FBXL5: variants seen among roughly 807,000 people sequenced by gnomAD.
FBXL5 encodes F-box and leucine rich repeat protein 5.
FBXL5 carries 26 observed loss-of-function variants against 78.3 expected under a neutral mutation model. The observed-to-expected ratio is 0.33, with a 90% confidence interval of 0.24 to 0.46. The LOEUF (loss-of-function observed/expected upper bound fraction) is 0.46. FBXL5 is among the 20% of genes least tolerant of loss of function. The probability of loss-of-function intolerance (pLI) is 1.00; values close to 1 mark genes in which losing one functional copy is unlikely to be tolerated. For synonymous variants in FBXL5, 295 were observed against 282.5 expected (o/e 1.04, Z -0.45); for missense variants, 710 against 829.2 (o/e 0.86, Z 1.77).
At chr4:15,672,762 TTTC>T (rs1304005274) in intron 1 of FBXL5, among the ~76,000 whole-genome samples, 2 of 152,206 alleles carry the variant, frequency 1.3e-5, no homozygotes, top group African/African-American at 4.8e-5. Flanking sequence ...TTAAAATGTT[TTTC>T]TTCAACAGTA....
intron 6 of FBXL5, 148 bp downstream of exon 6, chr4:15,630,518 T>A: frequency 1.7e-6 from 1 of 593,046 alleles, no homozygotes; most frequent in South Asian, 4.5e-5. Flanking sequence ...TCATTATTAT[T>A]CCTTCAAATT....
chr4:15,640,956 A>G, intron 2 of FBXL5, 73 bp from the exon 3 acceptor site: 1 of 768,248 alleles, frequency 1.3e-6, no homozygotes, highest in Non-Finnish European at 2.0e-6. Flanking sequence ...CAGGAAGTTT[A>G]AAATGTGACA....
rs1484259496 is a variant in FBXL5, at chr4:15,625,761, C to T, written c.1341G>A (p.Leu447=). ...CAATGCCCTTGTTAGTTAAATCGTG[C>T]AAACAGGCATACTGCTTGGTGGACT... ...TMQSTKQYAC[L]HDLTNKGIGE... Residue 447 remains leucine (L), a synonymous_variant, in exon 9 of 11, where the codon TTG becomes TTA. Transcript: ENST00000341285. 2 of 1,613,998 alleles carry T rather than the reference C, an allele frequency of 1.2e-6. No individual in the cohort carries two copies. The highest frequency in any genetic ancestry group is 2.7e-5 in the African/African-American group (2 of 74,918).
chr4:15,657,171 C>CT (rs1261145520), upstream of FBXL5, among the ~76,000 whole-genome samples: 1 of 152,186 alleles, frequency 6.6e-6, no homozygotes, highest in African/African-American at 2.4e-5. Context: ...TATTTACCCT[C>CT]TATTTCTTTA....
intron 5 of FBXL5, among the ~76,000 whole-genome samples, chr4:15,634,511 T>C (rs900685654): frequency 2.6e-5 from 4 of 151,818 alleles, no homozygotes; most frequent in African/African-American, 4.8e-5. Context: ...GGATTACAGG[T>C]GCCTGCCACC....
intron 10 of FBXL5, among the ~76,000 whole-genome samples, chr4:15,608,504 T>C (rs949839121): frequency 6.6e-6 from 1 of 151,606 alleles, no homozygotes; most frequent in East Asian, 1.9e-4. Context: ...ACAAACCTAC[T>C]GTCAGCATCT....
At chr4:15,661,831 C>T (rs1341218685), upstream of FBXL5, among the ~76,000 whole-genome samples, 2 of 152,214 alleles carry the variant, frequency 1.3e-5, no homozygotes, top group Non-Finnish European at 2.9e-5. Context: ...GCAGCTAAAG[C>T]TGCGATCATC....
At chr4:15,627,131 C>CT (rs33920814) in intron 7 of FBXL5, among the ~76,000 whole-genome samples, 176 bp from the exon 8 acceptor site, 9,819 of 87,824 alleles carry the variant, frequency 0.11, 630 homozygotes, top group Non-Finnish European at 0.16. Flanking sequence ...CTGAGAATCT[C>CT]TTTTTTTTTT....
At chr4:15,652,355 C>T (rs1716180836) in intron 1 of FBXL5, among the ~76,000 whole-genome samples, 1 of 152,178 alleles carries the variant, frequency 6.6e-6, no homozygotes, top group African/African-American at 2.4e-5. Flanking sequence ...GAATCTACCA[C>T]TAGCTGCTTA....
At chr4:15,630,572 A>G (rs1314609605) in intron 6 of FBXL5, 94 bp downstream of exon 6, 2 of 1,194,022 alleles carry the variant, frequency 1.7e-6, no homozygotes, top group Admixed American at 3.2e-5. Flanking sequence ...TTTAGAAAAC[A>G]CAAAATACAT....
chr4:15,608,310 C>G (rs1722018126), intron 10 of FBXL5, among the ~76,000 whole-genome samples: 1 of 152,024 alleles, frequency 6.6e-6, no homozygotes, highest in Admixed American at 6.6e-5. Context: ...CCTAGAGATT[C>G]AGATCTAACC....
intron 5 of FBXL5, among the ~76,000 whole-genome samples, chr4:15,632,099 G>A (rs968289792): frequency 3.9e-5 from 6 of 152,128 alleles, no homozygotes; most frequent in Non-Finnish European, 7.4e-5. Flanking sequence ...TGTATAAGGT[G>A]TAAGGAAGGG....
chr4:15,610,357 T>A (rs1274915903), intron 10 of FBXL5, among the ~76,000 whole-genome samples: 2 of 152,120 alleles, frequency 1.3e-5, no homozygotes, highest in Non-Finnish European at 2.9e-5. Context: ...TTTTAAAGGC[T>A]TTCCATTCCC....
intron 2 of FBXL5, among the ~76,000 whole-genome samples, chr4:15,642,196 A>G (rs1463728100): frequency 4.6e-5 from 7 of 151,790 alleles, no homozygotes; most frequent in Non-Finnish European, 8.8e-5. Context: ...CCCCACTTCT[A>G]TATCAGCCCT....
At chr4:15,630,051 T>C (rs1713458256) in intron 6 of FBXL5, among the ~76,000 whole-genome samples, 1 of 152,192 alleles carries the variant, frequency 6.6e-6, no homozygotes, top group Admixed American at 6.5e-5. Context: ...TTTTCCATCA[T>C]ATACTTTAAA....
At chr4:15,640,254 C>T (rs771901380) in intron 3 of FBXL5, among the ~76,000 whole-genome samples, 12 of 151,702 alleles carry the variant, frequency 7.9e-5, no homozygotes, top group Non-Finnish European at 1.8e-4. Context: ...TTTTCCCAGG[C>T]TGGTCTTGAA....
intron 10 of FBXL5, among the ~76,000 whole-genome samples, chr4:15,611,005 A>T (rs377117605): frequency 2.6e-5 from 4 of 151,904 alleles, no homozygotes; most frequent in South Asian, 4.1e-4. Context: ...CATCAATCAA[A>T]CTTTGTTTTC....
chr4:15,605,904 C>T (rs1321035622), intron 10 of FBXL5, 105 bp from the exon 11 acceptor site: 2 of 773,450 alleles, frequency 2.6e-6, no homozygotes, highest in African/African-American at 1.8e-5. Context: ...ACTAGCAGTA[C>T]TTATATGATA....
At chr4:15,649,796 C>T (rs894032976) in intron 1 of FBXL5, among the ~76,000 whole-genome samples, 1 of 151,944 alleles carries the variant, frequency 6.6e-6, no homozygotes, top group East Asian at 1.9e-4. Context: ...ATATTTAATT[C>T]TTAAAACAAC....
Sources: gnomAD v4.1 joint callset for allele counts (sites outside exome capture counted in the v4.1 genomes callset) on GRCh38, gnomAD v4.1.1 for gene constraint, MANE v1.5 for transcripts, NCBI Gene and HGNC (gene_info 2026-07-23, HGNC 2026-07-21) for gene names.